The following GPC5 variants were observed in gnomAD, a reference collection of about 807,000 sequenced individuals.
GPC5 encodes glypican-5.
GPC5 carries 47 observed loss-of-function variants against 53.9 expected under a neutral mutation model. The ratio of observed to expected loss-of-function variants is 0.87; its 90% CI spans 0.69 to 1.11. The LOEUF is 1.11. GPC5 is among the 50% of genes most tolerant of loss of function. The pLI is 0.00. For synonymous variants in GPC5, 286 were observed against 263.3 expected, an observed-to-expected ratio of 1.09 and a Z score of -0.84; for missense variants, 748 against 713.1, an observed-to-expected ratio of 1.05 and a Z score of -0.56.
intron 7 of GPC5, among the ~76,000 whole-genome samples, chr13:92,208,063 G>T (rs2042350045): frequency 6.6e-6 from 1 of 152,196 alleles, no homozygotes; most frequent in Non-Finnish European, 1.5e-5. Flanking sequence ...CCTAGAAGGT[G>T]CAGGAGGAAT....
At chr13:92,141,990 C>A (rs1236742543) in intron 6 of GPC5, among the ~76,000 whole-genome samples, 1 of 152,120 alleles carries the variant, frequency 6.6e-6, no homozygotes, top group Non-Finnish European at 1.5e-5. Flanking sequence ...TGCATGCAAG[C>A]TCCTCACCCT....
chr13:91,660,900 T>A (rs1367812508), intron 2 of GPC5, among the ~76,000 whole-genome samples: 3 of 152,222 alleles, frequency 2.0e-5, no homozygotes, highest in African/African-American at 7.2e-5. Flanking sequence ...CTTCTTTGAT[T>A]TTTGAACCAA....
At chr13:92,084,762 G>A (rs1358084537) in intron 6 of GPC5, among the ~76,000 whole-genome samples, 1 of 152,014 alleles carries the variant, frequency 6.6e-6, no homozygotes. Context: ...GAATATCTTT[G>A]GTACAAGATA....
intron 2 of GPC5, among the ~76,000 whole-genome samples, chr13:91,615,560 A>G (rs990842298): frequency 2.6e-5 from 4 of 152,180 alleles, no homozygotes; most frequent in Non-Finnish European, 5.9e-5. Flanking sequence ...TACAGAGCCT[A>G]TGTTTTTCTT....
intron 7 of GPC5, among the ~76,000 whole-genome samples, chr13:92,393,657 CA>C (rs879805857): frequency 6.6e-6 from 1 of 151,582 alleles, no homozygotes; most frequent in Non-Finnish European, 1.5e-5. Context: ...TGAAAGAAAA[CA>C]AAAAAAACTT....
chr13:91,751,714 C>T (rs1211088937), intron 4 of GPC5, among the ~76,000 whole-genome samples: 1 of 152,208 alleles, frequency 6.6e-6, no homozygotes, highest in Non-Finnish European at 1.5e-5. Context: ...AAGCTCATTA[C>T]CACAAAACCT....
At chr13:91,649,514 G>C (rs955356937) in intron 2 of GPC5, among the ~76,000 whole-genome samples, 2 of 152,132 alleles carry the variant, frequency 1.3e-5, no homozygotes, top group Non-Finnish European at 2.9e-5. Flanking sequence ...ATATTACTTA[G>C]AGATCACTAA....
intron 7 of GPC5, among the ~76,000 whole-genome samples, chr13:92,599,824 A>G (rs1286099169): frequency 6.6e-6 from 1 of 152,112 alleles, no homozygotes; most frequent in African/African-American, 2.4e-5. Context: ...TGTAAAAAAA[A>G]ATTATTCTGG....
In GPC5 at chr13:92,675,769, A is replaced by C. The variant is rs149571632; in HGVS notation, c.1562-190513A>C. Among the ~76,000 whole-genome samples the C allele has an allele frequency of 8.5e-5, 13 of 152,220 alleles. No homozygotes were observed. In the East Asian group the frequency reaches 1.9e-3, roughly 23 times the overall value. ...ATGGTGTAAGTCTTGATGTTTTGTC[A>C]AAAACATATGTAATATTCATATAGC... is the stretch of plus-strand genomic sequence containing the variant. On this transcript the variant is annotated intron_variant, in intron 7 of 7. Coordinates refer to ENST00000377067, the MANE Select transcript of GPC5 (RefSeq NM_004466.6).
intron 6 of GPC5, among the ~76,000 whole-genome samples, chr13:92,032,719 C>T (rs1430526442): frequency 6.6e-6 from 1 of 152,126 alleles, no homozygotes; most frequent in Non-Finnish European, 1.5e-5. Context: ...ATTCAATGCC[C>T]TCTCTGTCCT....
chr13:92,859,814 C>CA (rs1205761466), intron 7 of GPC5, among the ~76,000 whole-genome samples: 2 of 152,046 alleles, frequency 1.3e-5, no homozygotes, highest in African/African-American at 4.8e-5. Context: ...TATGTTCTTT[C>CA]AAAATCAGAT....
chr13:92,107,828 T>A (rs2138922076), intron 6 of GPC5, among the ~76,000 whole-genome samples: 2 of 152,298 alleles, frequency 1.3e-5, no homozygotes, highest in South Asian at 4.1e-4. Flanking sequence ...TTACTAGAAA[T>A]GCTGCTCTAA....
intron 7 of GPC5, among the ~76,000 whole-genome samples, chr13:92,700,387 T>C (rs748418877): frequency 6.6e-6 from 1 of 152,008 alleles, no homozygotes; most frequent in Non-Finnish European, 1.5e-5. Flanking sequence ...GTCTTGATTC[T>C]TTATTCAATT....
At chr13:92,549,304 A>G (rs1418056034) in intron 7 of GPC5, among the ~76,000 whole-genome samples, 1 of 152,184 alleles carries the variant, frequency 6.6e-6, no homozygotes, top group Non-Finnish European at 1.5e-5. Flanking sequence ...TTATTTAGTC[A>G]TGCTAACAGA....
chr13:92,543,663 T>C (rs1310789445), intron 7 of GPC5, among the ~76,000 whole-genome samples: 2 of 152,022 alleles, frequency 1.3e-5, no homozygotes, highest in African/African-American at 4.8e-5. Context: ...AGGCACTGAT[T>C]TTACAGGAGA....
At chr13:92,605,127 C>G (rs1884209560) in intron 7 of GPC5, among the ~76,000 whole-genome samples, 1 of 152,082 alleles carries the variant, frequency 6.6e-6, no homozygotes, top group Admixed American at 6.6e-5. Flanking sequence ...AGTCAAAAAC[C>G]AATTAGAAAT....
intron 6 of GPC5, among the ~76,000 whole-genome samples, chr13:92,112,705 AAC>A (rs1017651161): frequency 1.3e-5 from 2 of 152,124 alleles, no homozygotes; most frequent in Admixed American, 6.5e-5. Flanking sequence ...ATAGGATTGT[AAC>A]AGTCATTTGT....
chr13:91,745,805 G>T (rs1037405680), intron 4 of GPC5, among the ~76,000 whole-genome samples: 1 of 151,966 alleles, frequency 6.6e-6, no homozygotes, highest in Non-Finnish European at 1.5e-5. Flanking sequence ...TATGATAAAC[G>T]TGCCATATAT....
At chr13:91,887,521 G>A (rs2039337552) in intron 5 of GPC5, among the ~76,000 whole-genome samples, 1 of 152,146 alleles carries the variant, frequency 6.6e-6, no homozygotes, top group African/African-American at 2.4e-5. Context: ...CCCAGAAAGT[G>A]GATTTTCTTT....
Sources: gnomAD v4.1 joint callset for allele counts (sites outside exome capture counted in the v4.1 genomes callset) on GRCh38, gnomAD v4.1.1 for gene constraint, MANE v1.5 for transcripts, NCBI Gene and HGNC (gene_info 2026-07-23, HGNC 2026-07-21) for gene names.